The following EHD2 variants were observed in gnomAD, a reference collection of about 807,000 sequenced individuals.
EHD2 encodes EH domain containing 2.
Under a neutral mutation model 41.0 loss-of-function variants are expected in EHD2, and 27 were observed. That is an observed-to-expected ratio of 0.66 (90% CI 0.49 to 0.91). The LOEUF is 0.91. Among genes scored for constraint, EHD2 ranks in the 40% least tolerant of loss-of-function variants. The pLI, the probability that EHD2 is intolerant of heterozygous loss-of-function variation, is 0.00. For synonymous variants in EHD2, 342 were observed against 341.0 expected (o/e 1.00, Z -0.03); for missense variants, 673 against 773.9 (o/e 0.87, Z 1.55).
chr19:47,725,748 A>G, intron 3 of EHD2, 64 bp from the exon 4 acceptor site: 2 of 1,521,112 alleles, frequency 1.3e-6, no homozygotes, highest in Non-Finnish European at 8.9e-7. Flanking sequence ...ACTACTGAGA[A>G]TGGCTGGAGG....
Position 47,741,135 on chromosome 19 carries a change from G to A in EHD2, c.1335G>A (p.Val445=), listed in dbSNP as rs1966983578. ...EEGSDDEAEW[V]VTKDKSKYDE... ...GCTCGGACGACGAGGCCGAGTGGGT[G>A]GTGACCAAGGACAAGTCCAAATACG... The change falls in exon 6 of 6, where the codon GTG becomes GTA. Residue 445 remains valine (V), a synonymous_variant. Transcript: ENST00000263277. This position sits in a 1 kb window ranked among gnomAD's most constrained non-coding sequence, Gnocchi z 4.5. The A allele has an allele frequency of 1.2e-6, 2 of 1,611,922 alleles. No individual in the cohort carries two copies. Among genetic ancestry groups the A allele is most frequent in the African/African-American group, 1.3e-5 (1 of 74,940 alleles).
At chr19:47,727,821 C>A (rs370149205) in intron 4 of EHD2, among the ~76,000 whole-genome samples, 1 of 151,988 alleles carries the variant, frequency 6.6e-6, no homozygotes, top group East Asian at 1.9e-4. Flanking sequence ...AGGCTGGGTG[C>A]GGTGGCTCAC....
chr19:47,714,303 TCTCTA>T (rs1487736902), intron 1 of EHD2, among the ~76,000 whole-genome samples: 1 of 152,044 alleles, frequency 6.6e-6, no homozygotes, highest in African/African-American at 2.4e-5. Flanking sequence ...ATCCACCATT[TCTCTA>T]AGGAGTCCCA....
chr19:47,735,674 G>A (rs112776952), intron 4 of EHD2, among the ~76,000 whole-genome samples: 85 of 152,074 alleles, frequency 5.6e-4, no homozygotes, highest in Middle Eastern at 3.4e-3. Context: ...AGGCCACGGC[G>A]GGTGGATCAC....
At chr19:47,721,603 C>T (rs1973697955) in intron 3 of EHD2, among the ~76,000 whole-genome samples, 1 of 152,142 alleles carries the variant, frequency 6.6e-6, no homozygotes, top group East Asian at 2.0e-4. Context: ...CATGAGCCAC[C>T]GCCCAGCCTA....
At chr19:47,718,362 T>C in intron 2 of EHD2, 147 bp from the exon 3 acceptor site, 2 of 596,548 alleles carry the variant, frequency 3.4e-6, no homozygotes, top group Non-Finnish European at 3.0e-6. Flanking sequence ...TCTGAGATGG[T>C]CCTGGTTGCC....
At chr19:47,733,745 C>CT (rs1447553111) in intron 4 of EHD2, among the ~76,000 whole-genome samples, 1 of 31,656 alleles carries the variant, frequency 3.2e-5, no homozygotes, top group African/African-American at 7.3e-5. Context: ...GAGCAAGACT[C>CT]TGTCTCAAAA....
intron 5 of EHD2, among the ~76,000 whole-genome samples, chr19:47,737,428 G>A (rs1229991878): frequency 2.6e-5 from 4 of 151,590 alleles, no homozygotes; most frequent in African/African-American, 7.2e-5. Flanking sequence ...AGGCCAAGGC[G>A]GGTGGATCAC....
intron 3 of EHD2, among the ~76,000 whole-genome samples, chr19:47,720,859 G>A (rs1236346640): frequency 6.6e-6 from 1 of 152,092 alleles, no homozygotes; most frequent in Non-Finnish European, 1.5e-5. Flanking sequence ...GAATGTGTGT[G>A]TGTGCAGGAG....
At chr19:47,730,622 C>A (rs1233788815) in intron 4 of EHD2, among the ~76,000 whole-genome samples, 2 of 152,142 alleles carry the variant, frequency 1.3e-5, no homozygotes, top group African/African-American at 2.4e-5. Context: ...TGGGAGGAGG[C>A]ATTCACCCTC....
At chr19:47,716,502 C>G in intron 1 of EHD2, 56 bp from the exon 2 acceptor site, 2 of 1,255,204 alleles carry the variant, frequency 1.6e-6, no homozygotes, top group East Asian at 2.6e-5. Flanking sequence ...CACTCAGACC[C>G]CTTTCTTCCT....
At chr19:47,717,946 G>T (rs1243891417) in intron 2 of EHD2, among the ~76,000 whole-genome samples, 1 of 147,456 alleles carries the variant, frequency 6.8e-6, no homozygotes, top group Non-Finnish European at 1.5e-5. Flanking sequence ...GATCACCATG[G>T]TCTCTATGCC....
chr19:47,736,526 A>C lies in EHD2; in HGVS notation c.1073A>C (p.Lys358Thr), dbSNP rs762792858. Residue 358 changes from lysine to threonine, a missense_variant, in exon 5 of 6, where the codon AAA becomes ACA. Physicochemically the swap from Lys to Thr is moderately conservative, Grantham distance 78 (BLOSUM62 -1). Transcript: ENST00000263277. ...ISPGDFPDCQKMQELLMAHDF... is the reference protein window; with the variant it reads ...ISPGDFPDCQTMQELLMAHDF... Reference sequence around the variant, plus strand: ...CCTGGGGACTTTCCTGATTGCCAGAAAATGCAGGTGGGAAGCTGCCCAGGA... The same window carrying C: ...CCTGGGGACTTTCCTGATTGCCAGACAATGCAGGTGGGAAGCTGCCCAGGA... The C allele has an allele frequency of 1.4e-5, 23 of 1,587,230 alleles. No individual in the cohort carries two copies. Among genetic ancestry groups the C allele is most frequent in the Non-Finnish European group, 2.0e-5 (23 of 1,166,912 alleles).
chr19:47,717,713 C>G (rs1230401416), intron 2 of EHD2, among the ~76,000 whole-genome samples: 1 of 151,848 alleles, frequency 6.6e-6, no homozygotes, highest in East Asian at 2.0e-4. Context: ...TGGAGACCAG[C>G]CTGGCCAACA....
chr19:47,723,945 A>G (rs1226518185), intron 3 of EHD2, among the ~76,000 whole-genome samples: 4 of 151,174 alleles, frequency 2.6e-5, no homozygotes, highest in Non-Finnish European at 4.4e-5. Context: ...TCTACCTCCC[A>G]AAGTGCTGGG....
rs1461657693 is a variant in EHD2, at chr19:47,719,437, G to T, written c.502+831G>T. On this transcript the variant is annotated intron_variant, in intron 3 of 5. Coordinates refer to ENST00000263277, the MANE Select transcript of EHD2 (RefSeq NM_014601.4). The surrounding 1 kb of genome is among the most constrained non-coding windows in gnomAD (Gnocchi z 4.1). ...AGCTGTGCAAGGAGAGTGGCGGGGG[G>T]TGGATTCCAGCCGGGGCCTCCGGGC... Among the ~76,000 whole-genome samples, 3 of 152,086 alleles carry T rather than the reference G, an allele frequency of 2.0e-5. No homozygotes were observed. The highest frequency in any genetic ancestry group is 7.2e-5 in the African/African-American group (3 of 41,408).
At chr19:47,724,117 C>T (rs368385076) in intron 3 of EHD2, among the ~76,000 whole-genome samples, 32 of 146,392 alleles carry the variant, frequency 2.2e-4, no homozygotes, top group African/African-American at 5.5e-4. Context: ...CTCACTCTGT[C>T]GCCCAGACTG....
At chr19:47,739,532 C>T (rs111512495) in intron 5 of EHD2, among the ~76,000 whole-genome samples, 3,083 of 137,936 alleles carry the variant, frequency 0.022, 105 homozygotes, top group African/African-American at 0.078. Context: ...ACCCATGAGA[C>T]GGAGGTTGCG....
In EHD2 at chr19:47,742,032, G is replaced by A. The variant is rs768572442; in HGVS notation, c.*600G>A. ...GTCTCGGGACCATGGGGGGCTCAGA[G>A]GGGAGACACACCTACTGCTTCCTCA... On this transcript the variant is annotated 3_prime_UTR_variant, in exon 6 of 6. Coordinates refer to ENST00000263277, the MANE Select transcript of EHD2 (RefSeq NM_014601.4). The A allele has an allele frequency of 4.5e-6, 2 of 443,954 alleles. No homozygotes were observed. The highest frequency in any genetic ancestry group is 9.0e-6 in the Non-Finnish European group (2 of 221,602). 27.5% of individuals were successfully genotyped at this position (443,954 alleles called of 1,614,324 possible).
Sources: allele counts gnomAD v4.1 joint callset (sites outside exome capture counted in the v4.1 genomes callset), GRCh38; gene constraint gnomAD v4.1.1; non-coding constraint Gnocchi (gnomAD v3.1); transcripts MANE v1.5; gene names NCBI Gene and HGNC (gene_info 2026-07-23, HGNC 2026-07-21).